The following TGM3 variants were observed in gnomAD, a reference collection of about 807,000 sequenced individuals.
The protein encoded by TGM3 is transglutaminase 3, also known as protein-glutamine gamma-glutamyltransferase E.
TGM3 carries 52 observed loss-of-function variants against 73.8 expected under a neutral mutation model. The observed-to-expected ratio is 0.70, with a 90% CI of 0.56 to 0.89. The LOEUF (loss-of-function observed/expected upper bound fraction) is 0.89, where lower values mean the gene tolerates loss of function less well. Among genes scored for constraint, TGM3 ranks in the 40% least tolerant of loss-of-function variants. TGM3 has a pLI of 0.00. For synonymous variants in TGM3, 372 were observed against 354.9 expected (o/e 1.05, Z -0.54); for missense variants, 928 against 909.9 (o/e 1.02, Z -0.26).
At chr20:2,338,278 T>C (rs1016964515) in intron 11 of TGM3, among the ~76,000 whole-genome samples, 14 of 152,174 alleles carry the variant, frequency 9.2e-5, no homozygotes, top group African/African-American at 3.1e-4. Flanking sequence ...CTCAGGTTTT[T>C]AGTGGCTTTT....
At chr20:2,310,084 T>G in intron 2 of TGM3, 94 bp from the exon 3 acceptor site, 3 of 1,553,166 alleles carry the variant, frequency 1.9e-6, no homozygotes, top group Non-Finnish European at 2.6e-6. Context: ...CTTCATTGGC[T>G]CATGTCCCCC....
At chr20:2,306,785 T>C (rs972771770) in intron 1 of TGM3, among the ~76,000 whole-genome samples, 1 of 152,168 alleles carries the variant, frequency 6.6e-6, no homozygotes, top group African/African-American at 2.4e-5. Flanking sequence ...CCAGCCCTTC[T>C]TTTTTCTAAA....
rs577741269 is a variant in TGM3 at position 2,328,296 on chromosome 20, T to C, written c.1264T>C (p.Tyr422His). The C allele has an allele frequency of 1.9e-6, 3 of 1,613,958 alleles. No individual in the cohort carries two copies. Among genetic ancestry groups the C allele is most frequent in the East Asian group, 2.2e-5 (1 of 44,866 alleles). ...NSVNSHTIGR[Y>H]ISTKAVGSNA... The stretch of plus-strand genomic sequence containing the variant: ...CGTGAACAGTCACACCATTGGCAGG[T>C]ACATCAGCACCAAGGCGGTGGGCAG... Residue 422 changes from tyrosine (Y) to histidine (H), a missense_variant, in exon 9 of 13, where the codon TAC becomes CAC. Coordinates refer to ENST00000381458, the MANE Select transcript of TGM3 (RefSeq NM_003245.4). This position sits in a 1 kb window ranked among gnomAD's most constrained non-coding sequence, Gnocchi z 5.2.
intron 9 of TGM3, among the ~76,000 whole-genome samples, chr20:2,330,023 A>G (rs2084311625): frequency 6.6e-6 from 1 of 151,640 alleles, no homozygotes; most frequent in Non-Finnish European, 1.5e-5. Flanking sequence ...TTCCTAAACA[A>G]TGGAGAATGG....
intron 1 of TGM3, among the ~76,000 whole-genome samples, chr20:2,300,955 G>T (rs1303825834): frequency 6.6e-6 from 1 of 151,978 alleles, no homozygotes. Flanking sequence ...GATGTTCCAG[G>T]TCTCACTGTC....
chr20:2,324,591 C>T (rs763659514), intron 7 of TGM3, among the ~76,000 whole-genome samples: 4 of 152,196 alleles, frequency 2.6e-5, no homozygotes, highest in Non-Finnish European at 5.9e-5. Flanking sequence ...AGCTCATGGT[C>T]TGCCTCATCC....
intron 9 of TGM3, among the ~76,000 whole-genome samples, chr20:2,329,667 C>T (rs191664694): frequency 9.6e-4 from 146 of 152,066 alleles, no homozygotes; most frequent in Non-Finnish European, 1.7e-3. Context: ...AACTCGGGGG[C>T]GGAAGGTGAA....
intron 7 of TGM3, among the ~76,000 whole-genome samples, chr20:2,318,984 G>GT (rs2084249696): frequency 6.6e-6 from 1 of 152,158 alleles, no homozygotes; most frequent in Admixed American, 6.5e-5. Flanking sequence ...GGATTCTGGG[G>GT]TTTTACTAGG....
rs1481317121 is a variant in TGM3 at position 2,335,119 on chromosome 20, C to T, written c.1646C>T (p.Ala549Val). The change falls in exon 11 of 13, where the codon GCA (alanine) becomes GTA (valine). Residue 549 changes from alanine (A) to valine (V), a missense_variant. Transcript: ENST00000381458. ...ATCCCCTGGCTTCTCCTTCCAGAGG[C>T]AGAACATCCCATAAAGATCTCGTAC... ...ATMSLDPEEE[A>V]EHPIKISYAQ... 8.7e-6 allele frequency: 14 copies of T among 1,614,086 alleles called. No individual in the cohort carries two copies. The highest frequency in any genetic ancestry group is 1.1e-5 in the South Asian group (1 of 91,088).
chr20:2,314,342 T>C (rs958392780), intron 5 of TGM3, among the ~76,000 whole-genome samples: 1 of 151,286 alleles, frequency 6.6e-6, no homozygotes, highest in African/African-American at 2.4e-5. Context: ...TTTCCAAAAA[T>C]ATTCATCCAG....
Position 2,331,892 on chromosome 20 carries a change from C to G in TGM3, c.1334-110C>G. The G allele has an allele frequency of 3.1e-6, 4 of 1,280,774 alleles. No homozygotes were observed. The South Asian group carries it at 5.9e-5, about 19-fold the overall frequency. 79.3% of individuals were successfully genotyped at this position (1,280,774 alleles called of 1,614,324 possible). A position where few individuals can be genotyped will look rare whatever the true frequency, so the allele number is the denominator to read the frequency against. Reference sequence around the variant, plus strand: ...TGTGAAAGTCGAATGCCTGCTAGGGCAGCAATGGAGCCAGCACCAGTCCTA... The same window carrying G: ...TGTGAAAGTCGAATGCCTGCTAGGGGAGCAATGGAGCCAGCACCAGTCCTA... On this transcript the variant is annotated intron_variant, in intron 9 of 12. Coordinates refer to ENST00000381458, the MANE Select transcript of TGM3 (RefSeq NM_003245.4).
At chr20:2,298,678 C>A (rs2084124832) in intron 1 of TGM3, among the ~76,000 whole-genome samples, 1 of 152,210 alleles carries the variant, frequency 6.6e-6, no homozygotes, top group African/African-American at 2.4e-5. Flanking sequence ...GGACACCAGT[C>A]GCCCCTCCTC....
At chr20:2,340,040 G>GGGGGGGGGGGGGGGGCGGGC in intron 12 of TGM3, 53 bp downstream of exon 12, 1 of 944,844 alleles carries the variant, frequency 1.1e-6, no homozygotes, top group Non-Finnish European at 1.6e-6. Context: ...GGGCGGGGGG[G>GGGGGGGGGGGGGGGGCGGGC]CCCTCCAGAT....
chr20:2,312,341 G>A lies in TGM3; in HGVS notation c.541-557G>A, dbSNP rs191755116. Among the ~76,000 whole-genome samples, 19 of 135,260 alleles carry A rather than the reference G, an allele frequency of 1.4e-4. No homozygotes were observed. The East Asian group carries it at 4.0e-3, about 28-fold the overall frequency. 88.7% of individuals were successfully genotyped at this position (135,260 alleles called of 152,430 possible). On this transcript the variant is annotated intron_variant, in intron 4 of 12. Transcript: ENST00000381458. ...CTTCCCAGGAGGTGGAGGTCACGAT[G>A]AGCCGAGATCATACCACTGCACTCC... is the stretch of plus-strand genomic sequence containing the variant.
Position 2,307,563 on chromosome 20 carries a change from CTT to C in TGM3, c.8-2088_8-2087del, listed in dbSNP as rs939405360. Among the ~76,000 whole-genome samples, 3 of 152,060 alleles carry C rather than the reference CTT, an allele frequency of 2.0e-5. No individual in the cohort carries two copies. In the South Asian group the frequency reaches 6.2e-4, roughly 31 times the overall value. On this transcript the variant is annotated intron_variant, in intron 1 of 12. Transcript: ENST00000381458. ...TCCTGATCCCTACAACTGAAAGTGA[CTT>C]TTTTTGCCTGCCTGCATCTCTCATA...
Position 2,332,029 on chromosome 20 carries a change from A to G in TGM3, c.1361A>G (p.Gln454Arg), listed in dbSNP as rs1165430388. Residue 454 changes from glutamine (Q) to arginine (R), a missense_variant, in exon 10 of 13, where the codon CAA (glutamine) becomes CGA (arginine). Coordinates refer to ENST00000381458, the MANE Select transcript of TGM3 (RefSeq NM_003245.4). This position sits in a 1 kb window ranked among gnomAD's most constrained non-coding sequence, Gnocchi z 4.4. ...TCTGACCAGGAAAGACAAGTGTTCC[A>G]AAAGGCTTTGGGGAAACTTAAACCC... Reference protein sequence around the residue: ...EGSDQERQVFQKALGKLKPNT... With the variant: ...EGSDQERQVFRKALGKLKPNT... 1.2e-6 allele frequency: 2 copies of G among 1,611,686 alleles called. No homozygotes were observed. The highest frequency in any genetic ancestry group is 1.7e-5 in the Admixed American group (1 of 59,824).
In TGM3 at chr20:2,305,681, G is replaced by A. The variant is rs45475701; in HGVS notation, c.8-3976G>A. On this transcript the variant is annotated intron_variant, in intron 1 of 12. Coordinates refer to ENST00000381458, the MANE Select transcript of TGM3 (RefSeq NM_003245.4). ...CCCTAACAGGGAGCAAGGCTCGTTG[G>A]TGCTGCCGGGGCTCACGCTTGGTGT... Among the ~76,000 whole-genome samples, 18 of 152,318 alleles carry A rather than the reference G, an allele frequency of 1.2e-4. No individual in the cohort carries two copies. In the East Asian group the frequency reaches 3.5e-3, roughly 29 times the overall value.
intron 4 of TGM3, among the ~76,000 whole-genome samples, chr20:2,312,056 G>A (rs190982412): frequency 3.9e-5 from 6 of 152,280 alleles, no homozygotes; most frequent in Admixed American, 3.3e-4. Flanking sequence ...ACTTTAGCAA[G>A]AGATTTTATT....
chr20:2,305,955 T>A (rs1461072074), intron 1 of TGM3, among the ~76,000 whole-genome samples: 1 of 152,192 alleles, frequency 6.6e-6, no homozygotes, highest in East Asian at 1.9e-4. Context: ...ACCACCACAG[T>A]CACCCCAGGT....
Sources: gnomAD v4.1 joint callset for allele counts (sites outside exome capture counted in the v4.1 genomes callset) on GRCh38, gnomAD v4.1.1 for gene constraint, Gnocchi (gnomAD v3.1) non-coding constraint, MANE v1.5 for transcripts, NCBI Gene and HGNC (gene_info 2026-07-23, HGNC 2026-07-21) for gene names.